ABITRAM: variants seen among roughly 807,000 people sequenced by gnomAD.
ABITRAM encodes the protein protein Abitram.
A neutral mutation model predicts 22.9 loss-of-function variants in ABITRAM; 19 were observed. That is an observed-to-expected ratio of 0.83 (90% CI 0.58 to 1.22). The LOEUF (loss-of-function observed/expected upper bound fraction) is 1.22. ABITRAM is among the 50% of genes most tolerant of loss of function. The pLI, the probability that ABITRAM is intolerant of heterozygous loss-of-function variation, is 0.00. For synonymous variants in ABITRAM, 70 were observed against 73.9 expected (o/e 0.95, Z 0.27); for missense variants, 215 against 220.2 (o/e 0.98, Z 0.15).
At position 108,939,437 on chromosome 9, in the gene ABITRAM, T is replaced by G; in HGVS notation, c.391T>G (p.Ser131Ala). 6.2e-7 allele frequency: 1 copy of G among 1,610,342 alleles called. No homozygotes were observed. The highest frequency in any genetic ancestry group is 2.2e-5 in the East Asian group (1 of 44,854). ...GAATGAAAACATCCTCCATAAGCCA[T>G]CTATTCTTCAAGAAAAGGTAAAAGA... ...EVNENILHKP[S>A]ILQEKPSTEG... Residue 131 changes from serine to alanine, a missense_variant, in exon 5 of 6, where the codon TCT becomes GCT. Physicochemically the swap from Ser to Ala is moderately conservative, Grantham distance 99. Transcript: ENST00000322940.
downstream of ABITRAM, among the ~76,000 whole-genome samples, chr9:108,942,281 A>G (rs1830267239): frequency 6.6e-6 from 1 of 152,196 alleles, no homozygotes; most frequent in Non-Finnish European, 1.5e-5. Flanking sequence ...GGCATGGACA[A>G]TCTGGGACAG....
Position 108,934,507 on chromosome 9 carries a change from C to A in ABITRAM, c.21C>A (p.Ala7=), listed in dbSNP as rs766891262. ...TCGCCATGGCTACCGAGCCCGAAGC[C>A]GCGGAGCCGGTGGTGCCTTCGCTCG... The part of the protein sequence containing the change: MATEPE[A]AEPVVPSLVD... Residue 7 remains alanine (A), a synonymous_variant, in exon 1 of 6, where the codon GCC becomes GCA. Coordinates refer to ENST00000322940, the MANE Select transcript of ABITRAM (RefSeq NM_017832.4). 3 of 1,605,208 alleles carry A rather than the reference C, an allele frequency of 1.9e-6. No homozygotes were observed. The highest frequency in any genetic ancestry group is 2.5e-6 in the Non-Finnish European group (3 of 1,177,080).
At chr9:108,948,324 T>A in intron 3 of ABITRAM, 2 of 1,245,140 alleles carry the variant, frequency 1.6e-6, no homozygotes, top group Non-Finnish European at 2.2e-6. Context: ...CATTTGTGTA[T>A]TAACAAATCC....
rs1587932864 is a variant in ABITRAM, at chr9:108,934,521, T to G, written c.35T>G (p.Val12Gly). 6.2e-7 allele frequency: 1 copy of G among 1,606,274 alleles called. No homozygotes were observed. The highest frequency in any genetic ancestry group is 8.5e-7 in the Non-Finnish European group (1 of 1,177,404). ...ATEPEAAEPV[V>G]PSLVDRYFTR... ...GAGCCCGAAGCCGCGGAGCCGGTGG[T>G]GCCTTCGCTCGTGGATCGATACTTC... Residue 12 changes from valine to glycine, a missense_variant, in exon 1 of 6, where the codon GTG becomes GGG. Coordinates refer to ENST00000322940, the MANE Select transcript of ABITRAM (RefSeq NM_017832.4).
At chr9:108,946,472 C>T (rs1347909264) in intron 3 of ABITRAM, among the ~76,000 whole-genome samples, 1 of 152,136 alleles carries the variant, frequency 6.6e-6, no homozygotes, top group African/African-American at 2.4e-5. Flanking sequence ...AAATCCTCTA[C>T]CCACATTTAT....
intron 3 of ABITRAM, among the ~76,000 whole-genome samples, chr9:108,946,730 C>T (rs1830414841): frequency 6.6e-6 from 1 of 152,128 alleles, no homozygotes. Flanking sequence ...CCAGATCTGA[C>T]ATATAGCACA....
Position 108,934,493 on chromosome 9 carries a change from A to T in ABITRAM, c.7A>T (p.Thr3Ser), listed in dbSNP as rs770908235. The T allele has an allele frequency of 1.2e-6, 2 of 1,602,718 alleles. No individual in the cohort carries two copies. The highest frequency in any genetic ancestry group is 1.7e-6 in the Non-Finnish European group (2 of 1,176,122). MA[T>S]EPEAAEPVVP... Reference sequence around the variant, plus strand: ...GGCGGCGCCGGAGGTCGCCATGGCTACCGAGCCCGAAGCCGCGGAGCCGGT... The same window carrying T: ...GGCGGCGCCGGAGGTCGCCATGGCTTCCGAGCCCGAAGCCGCGGAGCCGGT... Residue 3 changes from threonine to serine, a missense_variant, in exon 1 of 6, where the codon ACC becomes TCC. Coordinates refer to ENST00000322940, the MANE Select transcript of ABITRAM (RefSeq NM_017832.4).
intron 3 of ABITRAM, among the ~76,000 whole-genome samples, chr9:108,950,197 A>C (rs1245083814): frequency 6.6e-6 from 1 of 152,226 alleles, no homozygotes; most frequent in South Asian, 2.1e-4. Flanking sequence ...GATTCCAGCC[A>C]AAAGCTGAGA....
At position 108,940,898 on chromosome 9, in the gene ABITRAM, G is replaced by T. The variant is rs1431903837; in HGVS notation, c.*1212G>T. ...TAAAACGTGTTATTTTTCTGTAAGG[G>T]CTATAACATACATGTCAATATCACT... On this transcript the variant is annotated 3_prime_UTR_variant, in exon 6 of 6. Transcript: ENST00000322940. 2.0e-5 allele frequency: 3 copies of T among 152,016 alleles called. No homozygotes were observed. Among genetic ancestry groups the T allele is most frequent in the Admixed American group, 1.3e-4 (2 of 15,256 alleles). The allele number at this position is 152,016 out of a possible 1,614,324, so 9.4% of individuals were successfully genotyped here. A position where few individuals can be genotyped will look rare whatever the true frequency, so the allele number is the denominator to read the frequency against.
At chr9:108,937,340 G>T (rs1327858350) in intron 3 of ABITRAM, among the ~76,000 whole-genome samples, 1 of 152,146 alleles carries the variant, frequency 6.6e-6, no homozygotes, top group Non-Finnish European at 1.5e-5. Flanking sequence ...AAAATGGACA[G>T]ATTATTAAAA....
downstream of ABITRAM, among the ~76,000 whole-genome samples, chr9:108,941,566 C>T (rs774223165): frequency 1.3e-5 from 2 of 152,086 alleles, no homozygotes; most frequent in Non-Finnish European, 2.9e-5. Context: ...CATTTTCTCC[C>T]GAAGGACTAC....
At chr9:108,943,545 G>A (rs1327406328), downstream of ABITRAM, among the ~76,000 whole-genome samples, 1 of 152,132 alleles carries the variant, frequency 6.6e-6, no homozygotes, top group African/African-American at 2.4e-5. Flanking sequence ...ACTCTCTGGG[G>A]TCAGTTATGA....
chr9:108,944,162 C>G (rs1587938112), downstream of ABITRAM: 3 of 751,960 alleles, frequency 4.0e-6, no homozygotes, highest in East Asian at 8.3e-5. Context: ...AAACTTTTTC[C>G]AGTACCAGGA....
downstream of ABITRAM, among the ~76,000 whole-genome samples, chr9:108,945,266 T>C (rs1830366699): frequency 6.6e-6 from 1 of 152,146 alleles, no homozygotes; most frequent in African/African-American, 2.4e-5. Flanking sequence ...AATAAAACAG[T>C]GTAGTATTTG....
intron 3 of ABITRAM, chr9:108,950,419 T>C: frequency 7.2e-7 from 1 of 1,390,992 alleles, no homozygotes; most frequent in Non-Finnish European, 9.7e-7. Flanking sequence ...TGGTCTCCAA[T>C]GATGGAAAAT....
At position 108,939,745 on chromosome 9, in the gene ABITRAM, G is replaced by T; in HGVS notation, c.*59G>T. On this transcript the variant is annotated 3_prime_UTR_variant, in exon 6 of 6. Coordinates refer to ENST00000322940, the MANE Select transcript of ABITRAM (RefSeq NM_017832.4). ...CTTGTTACCTGGCCTAAACCATCAG[G>T]GTACTAAAGGAGAAGAACCAGTATA... 6.3e-7 allele frequency: 1 copy of T among 1,588,764 alleles called. No homozygotes were observed.
intron 3 of ABITRAM, chr9:108,950,451 A>T: frequency 6.6e-7 from 1 of 1,525,926 alleles, no homozygotes; most frequent in Non-Finnish European, 8.8e-7. Context: ...CTGACAAATG[A>T]CAGCTAAACA....
downstream of ABITRAM, among the ~76,000 whole-genome samples, chr9:108,945,780 T>C (rs969752566): frequency 7.9e-5 from 12 of 152,266 alleles, no homozygotes; most frequent in Admixed American, 3.9e-4. Flanking sequence ...CAGACTGTTT[T>C]TACTGTTTTG....
intron 2 of ABITRAM, 109 bp from the exon 3 acceptor site, chr9:108,936,199 G>A: frequency 8.1e-7 from 1 of 1,228,890 alleles, no homozygotes; most frequent in Non-Finnish European, 1.1e-6. Flanking sequence ...GGGGGAAGAT[G>A]ATAGTTTGAC....
Sources: gnomAD v4.1 joint callset for allele counts (sites outside exome capture counted in the v4.1 genomes callset) on GRCh38, gnomAD v4.1.1 for gene constraint, MANE v1.5 for transcripts, NCBI Gene and HGNC (gene_info 2026-07-23, HGNC 2026-07-21) for gene names.